ARFGEF1: variants seen among roughly 807,000 people sequenced by gnomAD.
ARFGEF1 encodes the protein brefeldin A-inhibited guanine nucleotide-exchange protein 1.
Under a neutral mutation model 231.0 loss-of-function variants are expected in ARFGEF1, and 42 were observed. The observed-to-expected ratio is 0.18, with a 90% CI of 0.14 to 0.24. ARFGEF1 has a LOEUF of 0.24. Among genes scored for constraint, ARFGEF1 ranks in the 10% least tolerant of loss-of-function variants. ARFGEF1 has a pLI of 1.00. For synonymous variants in ARFGEF1, 710 were observed against 732.3 expected (o/e 0.97, Z 0.49); for missense variants, 1,345 against 2,192.0 (o/e 0.61, Z 7.72).
At chr8:67,337,128 C>CAAAAAAAAAAA (rs1160016610) in intron 1 of ARFGEF1, among the ~76,000 whole-genome samples, 6 of 54,976 alleles carry the variant, frequency 1.1e-4, no homozygotes, top group Non-Finnish European at 1.7e-4. Flanking sequence ...GACGCCGTCT[C>CAAAAAAAAAAA]AAAAAAAAAA....
At chr8:67,302,518 C>T in intron 1 of ARFGEF1, 52 bp from the exon 2 acceptor site, 1 of 1,341,790 alleles carries the variant, frequency 7.5e-7, no homozygotes, top group Non-Finnish European at 1.0e-6. Context: ...AGCAGAAAGA[C>T]TGAGTAATTT....
At chr8:67,302,989 G>A (rs1443044205) in intron 1 of ARFGEF1, among the ~76,000 whole-genome samples, 1 of 151,840 alleles carries the variant, frequency 6.6e-6, no homozygotes, top group Admixed American at 6.6e-5. Context: ...ATGTGGGGCA[G>A]GGGGTTGAGG....
intron 5 of ARFGEF1, chr8:67,179,964 AT>A (rs1832627165): frequency 8.5e-7 from 1 of 1,170,640 alleles, no homozygotes; most frequent in Non-Finnish European, 1.3e-6. Flanking sequence ...TATTGTTTAA[AT>A]ATTAAACCTT....
At chr8:67,204,535 G>T in intron 35 of ARFGEF1, 145 bp downstream of exon 35, 2 of 976,148 alleles carry the variant, frequency 2.0e-6, no homozygotes, top group East Asian at 2.8e-5. Context: ...ATTACCTTGT[G>T]ATGGGATCCA....
rs557740276 is a variant in ARFGEF1, at chr8:67,298,712, T to C, written c.459+497A>G. 2.0e-5 allele frequency among the ~76,000 whole-genome samples: 3 copies of C among 152,316 alleles called. No homozygotes were observed. In the South Asian group the frequency reaches 6.2e-4, roughly 32 times the overall value. ...AACATACTTTTCCTCTAACAAACTC[T>C]TGGCATACAACATTAAAATCCCCTA... On this transcript the variant is annotated intron_variant, in intron 4 of 38. Transcript: ENST00000262215.
At chr8:67,332,183 C>A (rs1808130901) in intron 1 of ARFGEF1, among the ~76,000 whole-genome samples, 1 of 152,124 alleles carries the variant, frequency 6.6e-6, no homozygotes, top group South Asian at 2.1e-4. Context: ...CTTTTATATA[C>A]TTACATATGA....
At chr8:67,219,684 T>C (rs998582186) in intron 29 of ARFGEF1, 124 bp from the exon 30 acceptor site, 458 of 996,634 alleles carry the variant, frequency 4.6e-4, no homozygotes, top group Non-Finnish European at 5.9e-4. Flanking sequence ...AATTAACACA[T>C]GACACTGGGT....
chr8:67,306,550 AGCT>A (rs1432711121), intron 1 of ARFGEF1, among the ~76,000 whole-genome samples: 1 of 137,194 alleles, frequency 7.3e-6, no homozygotes, highest in Non-Finnish European at 1.6e-5. Flanking sequence ...CAACTTGTTT[AGCT>A]GCTTTTTCCA....
intron 19 of ARFGEF1, among the ~76,000 whole-genome samples, chr8:67,248,787 T>G (rs572479351): frequency 6.6e-6 from 1 of 150,706 alleles, no homozygotes; most frequent in South Asian, 2.1e-4. Context: ...ATAATGTTTG[T>G]AAAATTCATA....
chr8:67,266,915 T>C lies in ARFGEF1; in HGVS notation c.1882A>G (p.Lys628Glu), dbSNP rs1804875104. The C allele has an allele frequency of 6.2e-7, 1 of 1,613,412 alleles. No individual in the cohort carries two copies. Among genetic ancestry groups the C allele is most frequent in the Admixed American group, 1.7e-5 (1 of 59,958 alleles). ...GAGTTGGGATTCACATACTGATCCTTACTCCATTCAACCATACACTTCAAA... is the reference window on the plus strand; with the variant it reads ...GAGTTGGGATTCACATACTGATCCTCACTCCATTCAACCATACACTTCAAA... Reference protein sequence around the residue: ...SILKCMVEWSKDQYVNPNSQT... With the variant: ...SILKCMVEWSEDQYVNPNSQT... The change falls in exon 13 of 39, where the codon AAG becomes GAG. Residue 628 changes from lysine (K) to glutamate (E), a missense_variant. By Grantham distance (56) the Lys-to-Glu change is moderately conservative. Around this residue, in one of 14 missense-constraint regions of ARFGEF1, gnomAD observed 1 missense variants for 19.2 expected, o/e 0.05. Transcript: ENST00000262215.
At chr8:67,176,720 C>A (rs1831737519) in intron 5 of ARFGEF1, among the ~76,000 whole-genome samples, 1 of 152,116 alleles carries the variant, frequency 6.6e-6, no homozygotes, top group Admixed American at 6.5e-5. Flanking sequence ...GTATCTATCT[C>A]CCACAGCAGC....
At chr8:67,242,588 A>G (rs1378313963) in intron 19 of ARFGEF1, among the ~76,000 whole-genome samples, 1 of 152,218 alleles carries the variant, frequency 6.6e-6, no homozygotes, top group African/African-American at 2.4e-5. Context: ...GGTGAGACTC[A>G]GTACATTCCC....
At chr8:67,213,455 G>A (rs1201493198) in intron 33 of ARFGEF1, among the ~76,000 whole-genome samples, 1 of 152,130 alleles carries the variant, frequency 6.6e-6, no homozygotes. Context: ...ATAAAAAGAG[G>A]GAGGACAGCT....
chr8:67,233,697 C>T (rs1839625723), intron 22 of ARFGEF1, among the ~76,000 whole-genome samples: 1 of 151,918 alleles, frequency 6.6e-6, no homozygotes, highest in Admixed American at 6.6e-5. Context: ...TCTCTTTCAT[C>T]CCCCTGCCAG....
At chr8:67,310,708 C>CA (rs1182062882) in intron 1 of ARFGEF1, among the ~76,000 whole-genome samples, 2 of 151,766 alleles carry the variant, frequency 1.3e-5, no homozygotes, top group African/African-American at 2.4e-5. Flanking sequence ...TCTGCCCCGC[C>CA]GCCCAATCTG....
chr8:67,259,207 G>A (rs1353343589), intron 15 of ARFGEF1, among the ~76,000 whole-genome samples: 1 of 152,154 alleles, frequency 6.6e-6, no homozygotes, highest in Non-Finnish European at 1.5e-5. Context: ...AATTAGAGAT[G>A]ATTATATTAT....
At chr8:67,287,613 T>A (rs1354745869) in intron 7 of ARFGEF1, among the ~76,000 whole-genome samples, 2 of 152,238 alleles carry the variant, frequency 1.3e-5, no homozygotes, top group Non-Finnish European at 2.9e-5. Context: ...CTTGATTCAA[T>A]ATACATTATA....
chr8:67,232,990 G>T, intron 22 of ARFGEF1, 45 bp from the exon 23 acceptor site: 1 of 1,456,856 alleles, frequency 6.9e-7, no homozygotes, highest in Non-Finnish European at 9.6e-7. Flanking sequence ...AAATAATTCA[G>T]TAGAAGAATA....
At position 67,301,348 on chromosome 8, in the gene ARFGEF1, C is replaced by T. The variant is rs1806479957; in HGVS notation, c.188G>A (p.Ser63Asn). 6.2e-7 allele frequency: 1 copy of T among 1,613,540 alleles called. No individual in the cohort carries two copies. Among genetic ancestry groups the T allele is most frequent in the Non-Finnish European group, 8.5e-7 (1 of 1,179,838 alleles). Residue 63 changes from serine to asparagine, a missense_variant, in exon 3 of 39, where the codon AGC becomes AAC. Transcript: ENST00000262215. ...CTTTGATTTCACTGGTGGAAGGGTG[C>T]TTGATCCAGCTTTTGCTTCTCCATG... ...PPHGEAKAGS[S>N]TLPPVKSKTN...
Sources: allele counts gnomAD v4.1 joint callset (sites outside exome capture counted in the v4.1 genomes callset), GRCh38; gene constraint gnomAD v4.1.1; regional missense constraint gnomAD v4.1.1; transcripts MANE v1.5; gene names NCBI Gene and HGNC (gene_info 2026-07-23, HGNC 2026-07-21).